Variants in GPR37 observed in about 807,000 individuals in gnomAD.
GPR37 encodes the protein prosaposin receptor GPR37.
A neutral mutation model predicts 43.6 loss-of-function variants in GPR37; 20 were observed. The observed-to-expected ratio is 0.46, with a 90% CI of 0.32 to 0.67. GPR37 has a LOEUF of 0.67. Among genes scored for constraint, GPR37 ranks in the 30% least tolerant of loss-of-function variants. GPR37 has a pLI of 0.03. For synonymous variants in GPR37, 315 were observed against 322.6 expected, an observed-to-expected ratio of 0.98 and a Z score of 0.25; for missense variants, 724 against 797.2, an observed-to-expected ratio of 0.91 and a Z score of 1.11.
chr7:124,753,279 T>C (rs1793753278), intron 1 of GPR37, among the ~76,000 whole-genome samples: 1 of 152,052 alleles, frequency 6.6e-6, no homozygotes, highest in African/African-American at 2.4e-5. Context: ...ATATTTTGAA[T>C]GTTTTTCTAA....
Position 124,764,702 on chromosome 7 carries a change from G to C in GPR37, c.275C>G (p.Pro92Arg). Reference sequence around the variant, plus strand: ...TCTGCCTGCAGCCGGGTCACGGCCCGGGGCCGCCGGCAGGTCCCAGGAGGG... The same window carrying C: ...TCTGCCTGCAGCCGGGTCACGGCCCCGGGCCGCCGGCAGGTCCCAGGAGGG... Reference protein sequence around the residue: ...AGPSWDLPAAPGRDPAAGRGA... With the variant: ...AGPSWDLPAARGRDPAAGRGA... Residue 92 changes from proline (P) to arginine (R), a missense_variant, in exon 1 of 2, where the codon CCG becomes CGG. Around this residue, in one of 2 missense-constraint regions of GPR37, gnomAD observed 382 missense variants for 355.4 expected, o/e 1.07. Transcript: ENST00000303921. This position sits in a 1 kb window ranked among gnomAD's most constrained non-coding sequence, Gnocchi z 5.4. The C allele has an allele frequency of 1.3e-6, 2 of 1,597,256 alleles. No individual in the cohort carries two copies. Among genetic ancestry groups the C allele is most frequent in the East Asian group, 2.2e-5 (1 of 44,652 alleles).
intron 1 of GPR37, among the ~76,000 whole-genome samples, chr7:124,762,049 CTAA>C (rs749891380): frequency 1.1e-4 from 17 of 151,876 alleles, no homozygotes; most frequent in African/African-American, 4.1e-4. Flanking sequence ...AAAGATTTTA[CTAA>C]TAATAAGAGG....
chr7:124,750,330 C>T (rs987280173), intron 1 of GPR37, among the ~76,000 whole-genome samples: 3 of 152,126 alleles, frequency 2.0e-5, no homozygotes, highest in Non-Finnish European at 4.4e-5. Context: ...TTTGTGCATG[C>T]TTCCCCGTCA....
intron 1 of GPR37, 46 bp downstream of exon 1, chr7:124,763,908 G>T: frequency 1.3e-6 from 2 of 1,568,020 alleles, no homozygotes; most frequent in South Asian, 1.1e-5. Context: ...CTATAATCCC[G>T]AAAACAGATA....
intron 1 of GPR37, among the ~76,000 whole-genome samples, chr7:124,753,413 G>T (rs187111836): frequency 6.6e-6 from 1 of 151,998 alleles, no homozygotes; most frequent in East Asian, 1.9e-4. Flanking sequence ...ATATTCAAGC[G>T]ACATTCAGTA....
intron 1 of GPR37, among the ~76,000 whole-genome samples, chr7:124,759,571 T>C (rs572471673): frequency 6.6e-6 from 1 of 152,214 alleles, no homozygotes; most frequent in Non-Finnish European, 1.5e-5. Context: ...TTTAAACTGA[T>C]GTGTCTAGGA....
intron 1 of GPR37, among the ~76,000 whole-genome samples, chr7:124,753,935 GGTCA>G (rs1156847548): frequency 1.3e-5 from 2 of 151,850 alleles, no homozygotes; most frequent in East Asian, 1.9e-4. Context: ...AAATTAACCC[GGTCA>G]GTAAGTTACA....
chr7:124,755,818 T>C (rs1793785118), intron 1 of GPR37, among the ~76,000 whole-genome samples: 1 of 152,194 alleles, frequency 6.6e-6, no homozygotes, highest in Admixed American at 6.5e-5. Flanking sequence ...TCCTAGTCAA[T>C]CTTAAAGTGA....
At chr7:124,751,821 ATGAG>A (rs1243620174) in intron 1 of GPR37, among the ~76,000 whole-genome samples, 26 of 152,248 alleles carry the variant, frequency 1.7e-4, no homozygotes, top group African/African-American at 6.3e-4. Flanking sequence ...GAGAGACTGA[ATGAG>A]TAAGATGCAA....
At position 124,764,124 on chromosome 7, in the gene GPR37, T is replaced by C. The variant is rs755340053; in HGVS notation, c.853A>G (p.Ile285Val). ...CGCATGTAGTAGTTGTGGCACACGA[T>C]GCACATCACCGCCAGGTTGCCAATG... is the stretch of plus-strand genomic sequence containing the variant. The part of the protein sequence containing the change: ...GIIGNLAVMC[I>V]VCHNYYMRSI... The change falls in exon 1 of 2, where the codon ATC becomes GTC. Residue 285 changes from isoleucine (I) to valine (V), a missense_variant. This residue lies in a region of GPR37 where 342 missense variants were observed against 441.8 expected (regional missense o/e 0.77). Coordinates refer to ENST00000303921, the MANE Select transcript of GPR37 (RefSeq NM_005302.5). This position sits in a 1 kb window ranked among gnomAD's most constrained non-coding sequence, Gnocchi z 5.4. The C allele has an allele frequency of 5.0e-6, 8 of 1,612,076 alleles. No individual in the cohort carries two copies. The highest frequency in any genetic ancestry group is 6.8e-6 in the Non-Finnish European group (8 of 1,178,882).
intron 1 of GPR37, among the ~76,000 whole-genome samples, chr7:124,757,842 T>G (rs1793808650): frequency 6.6e-6 from 1 of 152,288 alleles, no homozygotes; most frequent in East Asian, 1.9e-4. Context: ...CTCCTAATAG[T>G]ACCTCGCATA....
intron 1 of GPR37, among the ~76,000 whole-genome samples, chr7:124,761,731 T>C (rs1793853756): frequency 1.3e-5 from 2 of 152,208 alleles, no homozygotes; most frequent in South Asian, 4.1e-4. Context: ...AGATTTGGAC[T>C]GTAGTTCTTG....
intron 1 of GPR37, among the ~76,000 whole-genome samples, chr7:124,754,518 C>CCTT (rs3036779): frequency 0.47 from 71,555 of 151,598 alleles, 17,027 homozygotes; most frequent in East Asian, 0.51. Context: ...GAAACAGTGT[C>CCTT]CTAAGCAAAA....
intron 1 of GPR37, among the ~76,000 whole-genome samples, chr7:124,751,919 T>C (rs962403626): frequency 6.6e-5 from 10 of 152,108 alleles, no homozygotes; most frequent in Non-Finnish European, 1.2e-4. Context: ...GACAAGACTA[T>C]TAATTTTGAT....
chr7:124,755,072 G>C (rs1041799372), intron 1 of GPR37, among the ~76,000 whole-genome samples: 5 of 152,130 alleles, frequency 3.3e-5, no homozygotes, highest in African/African-American at 1.2e-4. Context: ...GACACACTTC[G>C]ATTAGCATTT....
chr7:124,753,855 C>T (rs1200627104), intron 1 of GPR37, among the ~76,000 whole-genome samples: 1 of 151,994 alleles, frequency 6.6e-6, no homozygotes, highest in African/African-American at 2.4e-5. Context: ...TTTATGAGAT[C>T]GTGAGTCCCA....
At chr7:124,756,759 T>A (rs1363114669) in intron 1 of GPR37, among the ~76,000 whole-genome samples, 3 of 152,128 alleles carry the variant, frequency 2.0e-5, no homozygotes, top group Admixed American at 6.5e-5. Context: ...TGCCTTCCCA[T>A]CCCTCTCCCA....
At position 124,764,441 on chromosome 7, in the gene GPR37, A is replaced by T; in HGVS notation, c.536T>A (p.Leu179His). 1 of 1,613,718 alleles carries T rather than the reference A, an allele frequency of 6.2e-7. No homozygotes were observed. Reference protein sequence around the residue: ...SVKTVPGASDLFYWPRRAGKL... With the variant: ...SVKTVPGASDHFYWPRRAGKL... ...CCCGGCTCTCCTTGGCCAGTAAAAA[A>T]GATCGCTGGCTCCGGGGACTGTCTT... Residue 179 changes from leucine to histidine, a missense_variant, in exon 1 of 2, where the codon CTT becomes CAT. Around this residue, in one of 2 missense-constraint regions of GPR37, gnomAD observed 382 missense variants for 355.4 expected, o/e 1.07. Transcript: ENST00000303921. The surrounding 1 kb of genome is among the most constrained non-coding windows in gnomAD (Gnocchi z 5.4).
At position 124,764,878 on chromosome 7, in the gene GPR37, C is replaced by G; in HGVS notation, c.99G>C (p.Ala33=). 6.2e-7 allele frequency: 1 copy of G among 1,609,962 alleles called. No individual in the cohort carries two copies. Among genetic ancestry groups the G allele is most frequent in the Non-Finnish European group, 8.5e-7 (1 of 1,178,166 alleles). ...CCCCCAGACAAGTTTCGTTTCTGGACGCAGGGGCGACCCCGAGGGCAGAAG... is the reference window on the plus strand; with the variant it reads ...CCCCCAGACAAGTTTCGTTTCTGGAGGCAGGGGCGACCCCGAGGGCAGAAG... ...SASSALGVAP[A]SRNETCLGES... The change falls in exon 1 of 2, where the codon GCG becomes GCC. Residue 33 remains alanine (A), a synonymous_variant. Coordinates refer to ENST00000303921, the MANE Select transcript of GPR37 (RefSeq NM_005302.5). The surrounding 1 kb of genome is among the most constrained non-coding windows in gnomAD (Gnocchi z 5.4).
Sources: allele counts gnomAD v4.1 joint callset (sites outside exome capture counted in the v4.1 genomes callset), GRCh38; gene constraint gnomAD v4.1.1; regional missense constraint gnomAD v4.1.1; non-coding constraint Gnocchi (gnomAD v3.1); transcripts MANE v1.5; gene names NCBI Gene and HGNC (gene_info 2026-07-23, HGNC 2026-07-21).